PRKCG: variants seen among roughly 807,000 people sequenced by gnomAD.
PRKCG encodes protein kinase C gamma type.
In PRKCG, 28 loss-of-function variants were observed where a neutral mutation model predicts 82.0. The observed-to-expected ratio is 0.34, with a 90% confidence interval of 0.25 to 0.47. PRKCG has a LOEUF of 0.47. Ranked by LOEUF, PRKCG falls within the 20% of genes least tolerant of loss-of-function variation. The pLI is 1.00. For synonymous variants in PRKCG, 383 were observed against 376.6 expected (o/e 1.02, Z -0.20); for missense variants, 640 against 952.7 (o/e 0.67, Z 4.32).
At chr19:53,906,489 T>G in intron 17 of PRKCG, 32 bp downstream of exon 17, 1 of 1,569,478 alleles carries the variant, frequency 6.4e-7, no homozygotes, top group Non-Finnish European at 8.6e-7. Context: ...AAAAACCTGG[T>G]CCCTGAAGGG....
chr19:53,891,562 A>C, intron 5 of PRKCG, 112 bp from the exon 6 acceptor site: 4 of 1,380,588 alleles, frequency 2.9e-6, no homozygotes, highest in Non-Finnish European at 4.1e-6. Context: ...GATTACAGGC[A>C]TGAGCCGCCG....
intron 17 of PRKCG, 47 bp from the exon 18 acceptor site, chr19:53,906,660 G>A (rs761730148): frequency 1.2e-6 from 2 of 1,600,404 alleles, no homozygotes; most frequent in African/African-American, 2.7e-5. Flanking sequence ...GGACACCCGA[G>A]GAGCCCTCGG....
chr19:53,890,490 C>T (rs10405498), intron 5 of PRKCG, among the ~76,000 whole-genome samples: 19,323 of 151,508 alleles, frequency 0.13, 3,410 homozygotes, highest in African/African-American at 0.4. Flanking sequence ...ACTCCTGACC[C>T]CAGGTGATCC....
In PRKCG at chr19:53,892,778, A is replaced by ACG; in HGVS notation, c.821+136_821+137insGC. 6 of 928,930 alleles carry ACG rather than the reference A, an allele frequency of 6.5e-6. No individual in the cohort carries two copies. The highest frequency in any genetic ancestry group is 7.5e-6 in the Non-Finnish European group (5 of 663,584). The allele number at this position is 928,930 out of a possible 1,614,324, so 57.5% of individuals were successfully genotyped here. A position where few individuals can be genotyped will look rare whatever the true frequency, so the allele number is the denominator to read the frequency against. On this transcript the variant is annotated intron_variant, in intron 7 of 17. Coordinates refer to ENST00000263431, the MANE Select transcript of PRKCG (RefSeq NM_002739.5). The surrounding 1 kb of genome is among the most constrained non-coding windows in gnomAD (Gnocchi z 5.9). ...CACACACACACACACACACACACACACACGCACACACACGCACACACCCCT... is the reference window on the plus strand; with the variant it reads ...CACACACACACACACACACACACACACGCACGCACACACACGCACACACCCCT...
Position 53,889,886 on chromosome 19 carries a change from G to A in PRKCG, c.398G>A (p.Cys133Tyr). The A allele has an allele frequency of 6.3e-7, 1 of 1,583,780 alleles. No homozygotes were observed. The highest frequency in any genetic ancestry group is 8.6e-7 in the Non-Finnish European group (1 of 1,165,728). The change falls in exon 5 of 18, where the codon TGC (cysteine) becomes TAC (tyrosine). Residue 133 changes from cysteine (C) to tyrosine (Y), a missense_variant and splice_region_variant. Around this residue, in one of 7 missense-constraint regions of PRKCG, gnomAD observed 261 missense variants for 312.1 expected, o/e 0.84. Transcript: ENST00000263431. The surrounding 1 kb of genome is among the most constrained non-coding windows in gnomAD (Gnocchi z 4.4). ...GLVHQGMKCS[C>Y]CEMNVHRRCV... Reference sequence around the variant, plus strand: ...TGCTACCCGCAGCTTTCCCCTCCAGGCTGCGAGATGAACGTGCACCGGCGC... The same window carrying A: ...TGCTACCCGCAGCTTTCCCCTCCAGACTGCGAGATGAACGTGCACCGGCGC...
intron 17 of PRKCG, 49 bp from the exon 18 acceptor site, chr19:53,906,658 G>A (rs774325878): frequency 1.2e-6 from 2 of 1,600,102 alleles, no homozygotes; most frequent in African/African-American, 1.3e-5. Context: ...AGGGACACCC[G>A]AGGAGCCCTC....
chr19:53,890,131 C>T, intron 5 of PRKCG, 114 bp downstream of exon 5: 1 of 1,185,306 alleles, frequency 8.4e-7, no homozygotes, highest in South Asian at 1.3e-5. Flanking sequence ...ACGCCTCTTT[C>T]TATGGTCACG....
chr19:53,906,078 C>CTTCTT (rs1568763958), intron 16 of PRKCG, among the ~76,000 whole-genome samples: 35 of 43,764 alleles, frequency 8.0e-4, no homozygotes, highest in South Asian at 5.5e-3. Context: ...TCCTCCTCCT[C>CTTCTT]CTCCTCCTTC....
At position 53,886,573 on chromosome 19, in the gene PRKCG, A is replaced by T. The variant is rs186008693; in HGVS notation, c.285+2330A>T. Among the ~76,000 whole-genome samples the T allele has an allele frequency of 1.2e-3, 180 of 151,446 alleles. 1 individual carries two copies. Among genetic ancestry groups the T allele is most frequent in the African/African-American group, 4.1e-3 (170 of 41,246 alleles). ...CACAAGCCACAACACCTAGCTAATT[A>T]AAAAAAAATGTTTTTGTAGAGATGG... On this transcript the variant is annotated intron_variant, in intron 3 of 17. Transcript: ENST00000263431.
chr19:53,883,122 T>C lies in PRKCG; in HGVS notation c.171-41T>C. The C allele has an allele frequency of 6.2e-7, 1 of 1,611,818 alleles. No individual in the cohort carries two copies. Among genetic ancestry groups the C allele is most frequent in the Non-Finnish European group, 8.5e-7 (1 of 1,178,168 alleles). ...GGCTCGCAGAGGTTGGGGGTCCAGG[T>C]ACCCCTTTCTGCACTGACCTAGGAT... is the stretch of plus-strand genomic sequence containing the variant. On this transcript the variant is annotated intron_variant, in intron 1 of 17. Transcript: ENST00000263431. The surrounding 1 kb of genome is among the most constrained non-coding windows in gnomAD (Gnocchi z 5.4).
intron 14 of PRKCG, among the ~76,000 whole-genome samples, 168 bp from the exon 15 acceptor site, chr19:53,902,905 A>AAAC (rs1555808290): frequency 4.0e-5 from 6 of 150,900 alleles, no homozygotes; most frequent in African/African-American, 1.2e-4. Context: ...AAAAAAAAAA[A>AAAC]AAAAAAAAAA....
chr19:53,895,478 ACT>A (rs2068710988), intron 9 of PRKCG, among the ~76,000 whole-genome samples: 1 of 135,532 alleles, frequency 7.4e-6, no homozygotes, highest in Non-Finnish European at 1.5e-5. Context: ...ACAGAGGGAG[ACT>A]CTGTCTCAAA....
intron 15 of PRKCG, among the ~76,000 whole-genome samples, chr19:53,904,433 G>A (rs868327062): frequency 2.1e-5 from 3 of 145,812 alleles, no homozygotes; most frequent in Non-Finnish European, 4.5e-5. Context: ...TGAGGCATCC[G>A]AGATAGGAAA....
chr19:53,889,899 C>T lies in PRKCG; in HGVS notation c.411C>T (p.Asn137=). The stretch of plus-strand genomic sequence containing the variant: ...TTTCCCCTCCAGGCTGCGAGATGAA[C>T]GTGCACCGGCGCTGTGTGCGTAGCG... The part of the protein sequence containing the change: ...QGMKCSCCEM[N]VHRRCVRSVP... Residue 137 remains asparagine, a synonymous_variant, in exon 5 of 18, where the codon AAC becomes AAT. Transcript: ENST00000263431. This position sits in a 1 kb window ranked among gnomAD's most constrained non-coding sequence, Gnocchi z 4.4. 3 of 1,584,696 alleles carry T rather than the reference C, an allele frequency of 1.9e-6. No homozygotes were observed. The highest frequency in any genetic ancestry group is 1.1e-5 in the South Asian group (1 of 87,134).
intron 15 of PRKCG, 22 bp from the exon 16 acceptor site, chr19:53,904,613 T>G: frequency 1.2e-6 from 2 of 1,603,958 alleles, no homozygotes; most frequent in Non-Finnish European, 1.7e-6. Context: ...TCCCTGACTC[T>G]CTATCCCCTC....
chr19:53,896,376 GATT>G (rs113382850), intron 9 of PRKCG, among the ~76,000 whole-genome samples: 47,991 of 141,492 alleles, frequency 0.34, 8,004 homozygotes, highest in Non-Finnish European at 0.35. Flanking sequence ...AAACAGCCCT[GATT>G]ATTATTATTA....
rs147361625 is a variant in PRKCG, at chr19:53,902,619, G to A, written c.1576-454G>A. On this transcript the variant is annotated intron_variant, in intron 14 of 17. Transcript: ENST00000263431. ...CCAAAATATTCAGAGTGGAGGCTGG[G>A]CGTGGTGGCTCACTCCTATAATCCC... 3.6e-3 allele frequency among the ~76,000 whole-genome samples: 546 copies of A among 151,702 alleles called. 3 individuals carry two copies. The highest frequency in any genetic ancestry group is 0.013 in the African/African-American group (521 of 41,328).
chr19:53,906,170 G>A, intron 16 of PRKCG, 147 bp from the exon 17 acceptor site: 1 of 923,134 alleles, frequency 1.1e-6, no homozygotes, highest in Non-Finnish European at 1.6e-6. Context: ...CCATTTGCCT[G>A]TTTCCCCTGG....
intron 10 of PRKCG, 108 bp downstream of exon 10, chr19:53,898,219 T>C: frequency 6.7e-7 from 1 of 1,491,500 alleles, no homozygotes; most frequent in Admixed American, 1.9e-5. Flanking sequence ...TCCTGCATCT[T>C]CAAATATGGT....
Sources: allele counts gnomAD v4.1 joint callset (sites outside exome capture counted in the v4.1 genomes callset), GRCh38; gene constraint gnomAD v4.1.1; regional missense constraint gnomAD v4.1.1; non-coding constraint Gnocchi (gnomAD v3.1); transcripts MANE v1.5; gene names NCBI Gene and HGNC (gene_info 2026-07-23, HGNC 2026-07-21).